Variants in ASIC5 observed in about 807,000 individuals in gnomAD.
ASIC5 encodes acid sensing ion channel subunit family member 5, also known as bile acid-sensitive ion channel.
Under a neutral mutation model 51.2 loss-of-function variants are expected in ASIC5, and 52 were observed. The ratio of observed to expected loss-of-function variants is 1.02; its 90% CI spans 0.81 to 1.28. The LOEUF is 1.28. Among genes scored for constraint, ASIC5 ranks in the 50% most tolerant of loss-of-function variants. ASIC5 has a pLI of 0.00. For synonymous variants in ASIC5, 231 were observed against 200.7 expected, an observed-to-expected ratio of 1.15 and a Z score of -1.28; for missense variants, 635 against 595.0, an observed-to-expected ratio of 1.07 and a Z score of -0.70.
intron 2 of ASIC5, among the ~76,000 whole-genome samples, chr4:155,859,345 T>G (rs974426326): frequency 3.9e-5 from 6 of 152,086 alleles, no homozygotes; most frequent in African/African-American, 1.4e-4. Flanking sequence ...GCCATTTTCA[T>G]TATTTGTTTG....
At chr4:155,833,889 CA>C (rs1380206025) in intron 8 of ASIC5, among the ~76,000 whole-genome samples, 1 of 151,924 alleles carries the variant, frequency 6.6e-6, no homozygotes, top group Admixed American at 6.6e-5. Context: ...GATTTGAGTC[CA>C]AAAATATTTG....
chr4:155,829,766 C>G lies in ASIC5; in HGVS notation c.*90G>C. Reference sequence around the variant, plus strand: ...TCTTTAATGGCTTTTATCGAACTCTCAAAACTATAGAAAAGTGACGTAACA... The same window carrying G: ...TCTTTAATGGCTTTTATCGAACTCTGAAAACTATAGAAAAGTGACGTAACA... On this transcript the variant is annotated 3_prime_UTR_variant, in exon 10 of 10. Coordinates refer to ENST00000537611, the MANE Select transcript of ASIC5 (RefSeq NM_017419.3). 1 of 817,810 alleles carries G rather than the reference C, an allele frequency of 1.2e-6. No homozygotes were observed. Among genetic ancestry groups the G allele is most frequent in the Middle Eastern group, 3.8e-4 (1 of 2,626 alleles). 50.7% of individuals were successfully genotyped at this position (817,810 alleles called of 1,614,324 possible). A position where few individuals can be genotyped will look rare whatever the true frequency, so the allele number is the denominator to read the frequency against.
At chr4:155,851,247 A>T (rs564013866) in intron 4 of ASIC5, among the ~76,000 whole-genome samples, 1 of 152,196 alleles carries the variant, frequency 6.6e-6, no homozygotes, top group African/African-American at 2.4e-5. Flanking sequence ...TTAATCAAAT[A>T]CATTACAAGT....
In ASIC5 at chr4:155,829,851, G is replaced by T; in HGVS notation, c.*5C>A. 2 of 1,498,022 alleles carry T rather than the reference G, an allele frequency of 1.3e-6. No homozygotes were observed. The highest frequency in any genetic ancestry group is 2.8e-5 in the South Asian group (2 of 71,720). The allele number at this position is 1,498,022 out of a possible 1,614,324, so 92.8% of individuals were successfully genotyped here. ...AAAAGGAAACTATTTTATTCTAAGT[G>T]ACCATTAACACTCCTCTATCCTATT... On this transcript the variant is annotated 3_prime_UTR_variant, in exon 10 of 10. Coordinates refer to ENST00000537611, the MANE Select transcript of ASIC5 (RefSeq NM_017419.3).
intron 4 of ASIC5, among the ~76,000 whole-genome samples, chr4:155,850,045 A>T (rs1052838584): frequency 1.3e-5 from 2 of 151,958 alleles, no homozygotes; most frequent in African/African-American, 2.4e-5. Flanking sequence ...CATCCTAACC[A>T]TGAGAAATCA....
intron 6 of ASIC5, among the ~76,000 whole-genome samples, chr4:155,841,633 T>C (rs1270076404): frequency 6.6e-6 from 1 of 152,146 alleles, no homozygotes; most frequent in African/African-American, 2.4e-5. Flanking sequence ...AGAAAATAAC[T>C]TTTCAACAGT....
intron 4 of ASIC5, among the ~76,000 whole-genome samples, chr4:155,846,275 T>A (rs1037860878): frequency 1.3e-5 from 2 of 152,120 alleles, no homozygotes; most frequent in African/African-American, 4.8e-5. Flanking sequence ...TTTCAACTTA[T>A]CCCTGCCAAA....
intron 3 of ASIC5, among the ~76,000 whole-genome samples, chr4:155,853,792 T>G (rs1023796011): frequency 1.3e-5 from 2 of 151,782 alleles, no homozygotes; most frequent in African/African-American, 4.8e-5. Context: ...AAAATTAAAA[T>G]ATCCTCTTGT....
At chr4:155,848,126 T>C (rs1201500097) in intron 4 of ASIC5, among the ~76,000 whole-genome samples, 1 of 152,196 alleles carries the variant, frequency 6.6e-6, no homozygotes, top group Non-Finnish European at 1.5e-5. Flanking sequence ...TTTGGAAAAT[T>C]AAGTCTCCTC....
At chr4:155,830,566 T>C (rs537862250) in intron 9 of ASIC5, among the ~76,000 whole-genome samples, 3 of 152,360 alleles carry the variant, frequency 2.0e-5, no homozygotes, top group African/African-American at 7.2e-5. Flanking sequence ...ATTTACTGTT[T>C]GTGCTTTTTT....
intron 3 of ASIC5, 40 bp downstream of exon 3, chr4:155,854,037 T>G: frequency 6.8e-7 from 1 of 1,461,608 alleles, no homozygotes; most frequent in Non-Finnish European, 9.5e-7. Flanking sequence ...GTAACGGAAC[T>G]TATTACTTTG....
chr4:155,857,746 A>G (rs1471800703), intron 2 of ASIC5, among the ~76,000 whole-genome samples: 1 of 152,108 alleles, frequency 6.6e-6, no homozygotes, highest in African/African-American at 2.4e-5. Flanking sequence ...CATTTCTCGT[A>G]CATTTTACAG....
intron 9 of ASIC5, 126 bp downstream of exon 9, chr4:155,831,698 T>C: frequency 3.7e-6 from 2 of 546,688 alleles, no homozygotes; most frequent in East Asian, 3.7e-5. Context: ...GTGAACCCCC[T>C]GGGAAGCGGA....
At chr4:155,862,135 A>G (rs1741723287) in intron 2 of ASIC5, among the ~76,000 whole-genome samples, 1 of 152,144 alleles carries the variant, frequency 6.6e-6, no homozygotes, top group Non-Finnish European at 1.5e-5. Flanking sequence ...GGATAACTGC[A>G]ACCAATCTCT....
chr4:155,832,403 C>T (rs1280319213), intron 8 of ASIC5, among the ~76,000 whole-genome samples: 3 of 152,152 alleles, frequency 2.0e-5, no homozygotes, highest in East Asian at 1.9e-4. Context: ...ATTGGGTGTT[C>T]GATGAATACT....
At chr4:155,836,364 G>C (rs1032566589) in intron 8 of ASIC5, among the ~76,000 whole-genome samples, 2 of 152,158 alleles carry the variant, frequency 1.3e-5, no homozygotes, top group African/African-American at 2.4e-5. Context: ...AGTGTATAAT[G>C]TACAGGTAGG....
chr4:155,843,644 A>G (rs1301526502), intron 5 of ASIC5, 37 bp downstream of exon 5: 1 of 1,609,218 alleles, frequency 6.2e-7, no homozygotes, highest in Non-Finnish European at 8.5e-7. Context: ...TGATGCATTC[A>G]CTACCCCACC....
intron 3 of ASIC5, among the ~76,000 whole-genome samples, chr4:155,853,836 A>G (rs1250107615): frequency 6.6e-6 from 1 of 151,890 alleles, no homozygotes; most frequent in African/African-American, 2.4e-5. Context: ...GGACTATACT[A>G]CAAGAAAGGC....
intron 9 of ASIC5, among the ~76,000 whole-genome samples, chr4:155,830,342 T>C (rs77075660): frequency 0.019 from 2,944 of 152,218 alleles, 89 homozygotes; most frequent in African/African-American, 0.066. Flanking sequence ...AGATTCTAGA[T>C]AATTACAAAC....
Sources: allele counts gnomAD v4.1 joint callset (sites outside exome capture counted in the v4.1 genomes callset), GRCh38; gene constraint gnomAD v4.1.1; transcripts MANE v1.5; gene names NCBI Gene and HGNC (gene_info 2026-07-23, HGNC 2026-07-21).